The following CAMK2G variants were observed in gnomAD, a reference collection of about 807,000 sequenced individuals.
The protein encoded by CAMK2G is calcium/calmodulin dependent protein kinase II gamma, also known as calcium/calmodulin-dependent protein kinase type II subunit gamma.
A neutral mutation model predicts 88.7 loss-of-function variants in CAMK2G; 23 were observed. The observed-to-expected ratio is 0.26, with a 90% CI of 0.19 to 0.37. CAMK2G has a LOEUF of 0.37. Ranked by LOEUF, CAMK2G falls within the 10% of genes least tolerant of loss-of-function variation. CAMK2G has a pLI of 1.00. For missense variants in CAMK2G, 476 were observed against 780.8 expected (o/e 0.61, Z 4.65); for synonymous variants, 263 against 294.8 (o/e 0.89, Z 1.11).
At chr10:73,814,951 C>T in intron 22 of CAMK2G, 52 bp downstream of exon 22, 1 of 1,280,420 alleles carries the variant, frequency 7.8e-7, no homozygotes, top group Non-Finnish European at 1.1e-6. Flanking sequence ...CTTCCTCTGA[C>T]CCCACCTATC....
intron 14 of CAMK2G, among the ~76,000 whole-genome samples, chr10:73,834,741 C>G (rs138990678): frequency 1.4e-4 from 21 of 152,320 alleles, no homozygotes; most frequent in African/African-American, 4.8e-4. Context: ...GAATTCCAAG[C>G]TGGGCCCTGG....
At chr10:73,816,880 G>A (rs765715561) in intron 21 of CAMK2G, 143 bp downstream of exon 21, 1 of 1,606,544 alleles carries the variant, frequency 6.2e-7, no homozygotes, top group Non-Finnish European at 8.5e-7. Context: ...CGGGGCACAA[G>A]GGGACAAGCA....
chr10:73,825,230 G>A lies in CAMK2G; in HGVS notation c.1155+49C>T. On this transcript the variant is annotated intron_variant, in intron 16 of 22. Transcript: ENST00000423381. The stretch of plus-strand genomic sequence containing the variant: ...GCACAAGAGGAGGAAGAGGGAAGGG[G>A]CAGGAGGCAGCCAGGGTCAGAGGCG... 3 of 1,313,610 alleles carry A rather than the reference G, an allele frequency of 2.3e-6. No individual in the cohort carries two copies. In the South Asian group the frequency reaches 3.5e-5, roughly 15 times the overall value. 81.4% of individuals were successfully genotyped at this position (1,313,610 alleles called of 1,614,324 possible). A position where few individuals can be genotyped will look rare whatever the true frequency, so the allele number is the denominator to read the frequency against.
chr10:73,852,562 TAGTC>T (rs747698879), intron 4 of CAMK2G: 19 of 529,644 alleles, frequency 3.6e-5, no homozygotes, highest in East Asian at 9.3e-5. Context: ...GATTCACTAA[TAGTC>T]AGGCAGAGAT....
In CAMK2G at chr10:73,873,966, GC is replaced by G. The variant is rs887221150; in HGVS notation, c.65+430del. ...GGGGGGCGGGGCCGGGCGCCAAACA[GC>G]CCCCCCACGCCCGGGCTCCGCAGCA... is the stretch of plus-strand genomic sequence containing the variant. On this transcript the variant is annotated intron_variant, in intron 1 of 22. Coordinates refer to ENST00000423381, the MANE Select transcript of CAMK2G (RefSeq NM_001367534.1). Among the ~76,000 whole-genome samples the G allele has an allele frequency of 8.6e-5, 13 of 150,676 alleles. No individual in the cohort carries two copies. In the East Asian group the frequency reaches 2.4e-3, roughly 28 times the overall value.
chr10:73,862,175 C>G (rs952943629), intron 2 of CAMK2G, among the ~76,000 whole-genome samples: 11 of 151,962 alleles, frequency 7.2e-5, no homozygotes, highest in African/African-American at 2.4e-4. Context: ...AGCACGGAGG[C>G]CTCACAGCCC....
chr10:73,874,285 G>C, intron 1 of CAMK2G, 112 bp downstream of exon 1: 1 of 594,546 alleles, frequency 1.7e-6, no homozygotes. Context: ...GGCGGGGGTG[G>C]GGCGGCCGAG....
At chr10:73,814,773 A>G in intron 22 of CAMK2G, 1 of 545,216 alleles carries the variant, frequency 1.8e-6, no homozygotes, top group Non-Finnish European at 3.3e-6. Flanking sequence ...GAAACAGTTT[A>G]GGGAGGGGAA....
intron 21 of CAMK2G, 124 bp from the exon 22 acceptor site, chr10:73,815,371 C>CG: frequency 1.5e-6 from 1 of 647,992 alleles, no homozygotes; most frequent in Non-Finnish European, 2.7e-6. Context: ...CAAGTACCGC[C>CG]CCCCCCCACC....
Position 73,841,412 on chromosome 10 carries a change from C to G in CAMK2G, c.946+757G>C, listed in dbSNP as rs1238415947. Among the ~76,000 whole-genome samples, 6 of 151,974 alleles carry G rather than the reference C, an allele frequency of 3.9e-5. No homozygotes were observed. The East Asian group carries it at 1.2e-3, about 29-fold the overall frequency. On this transcript the variant is annotated intron_variant, in intron 12 of 22. Transcript: ENST00000423381. ...GGGCAGAGCCCTCTCTGTCTTCAGT[C>G]TCGACATTAATCTTTTCCTCACAAA...
At chr10:73,815,795 C>T (rs1183514775) in intron 21 of CAMK2G, 1 of 985,456 alleles carries the variant, frequency 1.0e-6, no homozygotes, top group Non-Finnish European at 1.2e-6. Flanking sequence ...ATCATCAAAG[C>T]ACCAAGCTCA....
chr10:73,873,769 C>A (rs1472987854), intron 1 of CAMK2G, among the ~76,000 whole-genome samples: 1 of 55,358 alleles, frequency 1.8e-5, no homozygotes, highest in African/African-American at 7.0e-5. Context: ...GGCTCGGCGC[C>A]GCGGGTGGGG....
intron 1 of CAMK2G, chr10:73,873,390 C>G (rs1167227774): frequency 7.9e-7 from 1 of 1,259,558 alleles, no homozygotes; most frequent in Non-Finnish European, 1.0e-6. Flanking sequence ...AAACACACAC[C>G]TGCTGCATCT....
At chr10:73,862,502 A>G (rs2095426247) in intron 2 of CAMK2G, among the ~76,000 whole-genome samples, 1 of 152,158 alleles carries the variant, frequency 6.6e-6, no homozygotes, top group Non-Finnish European at 1.5e-5. Flanking sequence ...TGCACTGACT[A>G]CATGTCAGGC....
At chr10:73,846,566 G>A (rs1380155064) in intron 10 of CAMK2G, 1 of 152,150 alleles carries the variant, frequency 6.6e-6, no homozygotes, top group African/African-American at 2.4e-5. Flanking sequence ...TGTATCTCCA[G>A]CACCCAGACG....
At chr10:73,849,492 G>C (rs2094476843) in intron 5 of CAMK2G, among the ~76,000 whole-genome samples, 159 bp from the exon 6 acceptor site, 1 of 152,168 alleles carries the variant, frequency 6.6e-6, no homozygotes, top group Non-Finnish European at 1.5e-5. Context: ...ACATCATCTT[G>C]TTCAACCTAT....
intron 5 of CAMK2G, among the ~76,000 whole-genome samples, chr10:73,851,111 C>A (rs749802965): frequency 6.6e-6 from 1 of 152,174 alleles, no homozygotes. Context: ...GAATTCTTCC[C>A]GAGGCTGAAG....
At chr10:73,844,948 C>T (rs1194433215) in intron 10 of CAMK2G, among the ~76,000 whole-genome samples, 1 of 152,126 alleles carries the variant, frequency 6.6e-6, no homozygotes, top group East Asian at 1.9e-4. Flanking sequence ...TTACTGAGAC[C>T]CCCTGTTTCT....
At chr10:73,865,119 T>C (rs1156415208) in intron 2 of CAMK2G, among the ~76,000 whole-genome samples, 1 of 152,176 alleles carries the variant, frequency 6.6e-6, no homozygotes, top group Non-Finnish European at 1.5e-5. Flanking sequence ...AGAGACACTG[T>C]GAATGGGACC....
Sources: gnomAD v4.1 joint callset for allele counts (sites outside exome capture counted in the v4.1 genomes callset) on GRCh38, gnomAD v4.1.1 for gene constraint, MANE v1.5 for transcripts, NCBI Gene and HGNC (gene_info 2026-07-23, HGNC 2026-07-21) for gene names.